ATL1: variants seen among roughly 807,000 people sequenced by gnomAD.
ATL1 encodes atlastin-1.
In ATL1, 31 loss-of-function variants were observed where a neutral mutation model predicts 75.5. The ratio of observed to expected loss-of-function variants is 0.41; its 90% CI spans 0.31 to 0.55. ATL1 has a LOEUF of 0.55. ATL1 is among the 20% of genes least tolerant of loss of function. ATL1 has a pLI of 0.27. For missense variants in ATL1, 405 were observed against 662.6 expected (o/e 0.61, Z 4.27); for synonymous variants, 226 against 233.3 (o/e 0.97, Z 0.28).
intron 6 of ATL1, among the ~76,000 whole-genome samples, chr14:50,604,687 T>C (rs112352801): frequency 1.1e-3 from 172 of 152,266 alleles, no homozygotes; most frequent in Non-Finnish European, 2.1e-3. Context: ...ATATTTATAC[T>C]GGGCATGGCC....
intron 9 of ATL1, 82 bp from the exon 10 acceptor site, chr14:50,621,761 A>G: frequency 3.5e-6 from 3 of 858,558 alleles, no homozygotes; most frequent in Non-Finnish European, 5.7e-6. Flanking sequence ...TGAAATGTCA[A>G]GAACTTAGAA....
intron 1 of ATL1, among the ~76,000 whole-genome samples, chr14:50,570,754 A>G (rs554720776): frequency 6.6e-6 from 1 of 152,192 alleles, no homozygotes; most frequent in African/African-American, 2.4e-5. Flanking sequence ...AATGGCCAGT[A>G]CTTTCTTCTT....
At chr14:50,569,268 T>G (rs2172674) in intron 1 of ATL1, among the ~76,000 whole-genome samples, 150,958 of 152,140 alleles carry the variant, frequency 0.99, 74,909 homozygotes, top group Middle Eastern at 1. Flanking sequence ...GCTGAAGTAG[T>G]AGAATCACTT....
intron 1 of ATL1, among the ~76,000 whole-genome samples, chr14:50,548,112 G>A (rs1034237047): frequency 6.6e-6 from 1 of 152,116 alleles, no homozygotes; most frequent in Non-Finnish European, 1.5e-5. Context: ...CCCGGGATAG[G>A]GGCCCAAATT....
rs753145983 is a variant in ATL1, at chr14:50,620,705, G to C, written c.969G>C (p.Arg323=). 3.4e-5 allele frequency: 55 copies of C among 1,613,466 alleles called. No homozygotes were observed. The highest frequency in any genetic ancestry group is 4.3e-5 in the Non-Finnish European group (51 of 1,179,676). Residue 323 remains arginine, a synonymous_variant, in exon 9 of 14, where the codon CGG becomes CGC. Coordinates refer to ENST00000358385, the MANE Select transcript of ATL1 (RefSeq NM_015915.5). ...TCAATGGGAATAAAATCACCTGCCG[G>C]GGTCTGGTGGAGTACTTCAAGGTAT... The part of the protein sequence containing the change: ...KEINGNKITC[R]GLVEYFKAYI...
chr14:50,552,768 A>T (rs1028873196), intron 1 of ATL1, among the ~76,000 whole-genome samples: 3 of 152,236 alleles, frequency 2.0e-5, no homozygotes, highest in Non-Finnish European at 2.9e-5. Context: ...TGGGGAAAGG[A>T]TACCCTATTC....
intron 1 of ATL1, among the ~76,000 whole-genome samples, chr14:50,534,699 A>G (rs2038471272): frequency 1.3e-5 from 2 of 152,178 alleles, no homozygotes; most frequent in South Asian, 4.1e-4. Context: ...AAAAGTCGAG[A>G]CTCTATGTGT....
At chr14:50,573,961 A>G (rs1194740156) in intron 1 of ATL1, among the ~76,000 whole-genome samples, 3 of 152,072 alleles carry the variant, frequency 2.0e-5, no homozygotes, top group African/African-American at 7.2e-5. Context: ...TAGATGCTTT[A>G]TGTTTCTTTT....
intron 1 of ATL1, among the ~76,000 whole-genome samples, chr14:50,585,951 C>T (rs1812181): frequency 0.28 from 43,086 of 152,032 alleles, 8,345 homozygotes; most frequent in African/African-American, 0.56. Flanking sequence ...GTGGTGTATA[C>T]TTATCTCTAC....
intron 13 of ATL1, among the ~76,000 whole-genome samples, 200 bp downstream of exon 13, chr14:50,630,209 G>A (rs1002186981): frequency 6.6e-6 from 1 of 151,504 alleles, no homozygotes; most frequent in African/African-American, 2.4e-5. Flanking sequence ...TGTATGATTT[G>A]ATCTACACAC....
chr14:50,546,776 G>C (rs962073904), intron 1 of ATL1, among the ~76,000 whole-genome samples: 2 of 152,104 alleles, frequency 1.3e-5, no homozygotes, highest in Non-Finnish European at 2.9e-5. Context: ...ATTTAATATA[G>C]TTGGTTCAAT....
intron 6 of ATL1, among the ~76,000 whole-genome samples, chr14:50,609,177 C>A (rs1356041403): frequency 1.3e-5 from 2 of 152,014 alleles, no homozygotes; most frequent in Non-Finnish European, 2.9e-5. Context: ...GTTCCCATGA[C>A]CCTTAATGCA....
chr14:50,619,324 G>A (rs1028489953), intron 8 of ATL1, among the ~76,000 whole-genome samples: 2 of 152,160 alleles, frequency 1.3e-5, no homozygotes, highest in African/African-American at 4.8e-5. Flanking sequence ...CTCCCAAAGT[G>A]CTGGGATTAC....
At chr14:50,614,312 C>G in intron 7 of ATL1, 61 bp from the exon 8 acceptor site, 1 of 1,576,528 alleles carries the variant, frequency 6.3e-7, no homozygotes, top group Non-Finnish European at 8.7e-7. Context: ...TAAGATGCCA[C>G]AGAATTCCTT....
chr14:50,553,402 T>C (rs1404770092), intron 1 of ATL1, among the ~76,000 whole-genome samples: 1 of 151,508 alleles, frequency 6.6e-6, no homozygotes, highest in Admixed American at 6.6e-5. Context: ...CACAATGAGA[T>C]ACAACCTCAT....
rs187522487 is a variant in ATL1 at position 50,612,015 on chromosome 14, C to G, written c.631-1244C>G. Among the ~76,000 whole-genome samples, 44 of 152,104 alleles carry G rather than the reference C, an allele frequency of 2.9e-4. No homozygotes were observed. The East Asian group carries it at 7.5e-3, about 26-fold the overall frequency. On this transcript the variant is annotated intron_variant, in intron 6 of 13. Transcript: ENST00000358385. ...CCAAGAACTAGAGACACTGAAATGC[C>G]CATCTACAGAATGAATTAATCATTA...
At chr14:50,604,952 G>T (rs1027296559) in intron 6 of ATL1, among the ~76,000 whole-genome samples, 1 of 152,054 alleles carries the variant, frequency 6.6e-6, no homozygotes, top group Admixed American at 6.6e-5. Context: ...AGATGAGGCT[G>T]TAACTGCTCT....
intron 1 of ATL1, among the ~76,000 whole-genome samples, chr14:50,567,579 C>G (rs2038916491): frequency 6.6e-6 from 1 of 152,168 alleles, no homozygotes; most frequent in Admixed American, 6.5e-5. Context: ...ATGTTCTCAT[C>G]AACAGTGCAC....
chr14:50,584,056 A>G (rs1049254576), intron 1 of ATL1, among the ~76,000 whole-genome samples: 1 of 152,206 alleles, frequency 6.6e-6, no homozygotes, highest in Non-Finnish European at 1.5e-5. Context: ...TGGACTAGGA[A>G]CTTAAGTATC....
Sources: allele counts gnomAD v4.1 joint callset (sites outside exome capture counted in the v4.1 genomes callset), GRCh38; gene constraint gnomAD v4.1.1; transcripts MANE v1.5; gene names NCBI Gene and HGNC (gene_info 2026-07-23, HGNC 2026-07-21).